The following ARFIP1 variants were observed in gnomAD, a reference collection of about 807,000 sequenced individuals.
ARFIP1 encodes the protein ARF interacting protein 1.
A neutral mutation model predicts 42.5 loss-of-function variants in ARFIP1; 24 were observed. The ratio of observed to expected loss-of-function variants is 0.57; its 90% confidence interval spans 0.41 to 0.80. ARFIP1 has a LOEUF of 0.80. Among genes scored for constraint, ARFIP1 ranks in the 30% least tolerant of loss-of-function variants. The probability of loss-of-function intolerance (pLI) is 0.00; values close to 1 mark genes in which losing one functional copy is unlikely to be tolerated. For missense variants in ARFIP1, 354 were observed against 434.0 expected (o/e 0.82, Z 1.64); for synonymous variants, 141 against 153.7 (o/e 0.92, Z 0.61).
At chr4:152,856,475 A>G (rs1733446124) in intron 2 of ARFIP1, among the ~76,000 whole-genome samples, 2 of 152,372 alleles carry the variant, frequency 1.3e-5, no homozygotes, top group South Asian at 2.1e-4. Context: ...TTTAAAAACA[A>G]TATAGTATAA....
intron 1 of ARFIP1, among the ~76,000 whole-genome samples, chr4:152,784,454 A>G (rs1283350528): frequency 6.6e-6 from 1 of 152,174 alleles, no homozygotes; most frequent in Non-Finnish European, 1.5e-5. Context: ...TAGGATGGGC[A>G]TAGGCAGGTG....
At chr4:152,900,536 C>T (rs1337149400) in intron 8 of ARFIP1, among the ~76,000 whole-genome samples, 3 of 152,194 alleles carry the variant, frequency 2.0e-5, no homozygotes, top group African/African-American at 7.2e-5. Context: ...CTCTCACTCC[C>T]TTCCCAGTGC....
At chr4:152,892,763 G>A (rs1350727661) in intron 8 of ARFIP1, among the ~76,000 whole-genome samples, 2 of 152,088 alleles carry the variant, frequency 1.3e-5, no homozygotes, top group Non-Finnish European at 2.9e-5. Flanking sequence ...GTTATAGTTC[G>A]TATTTTCTGT....
intron 1 of ARFIP1, among the ~76,000 whole-genome samples, chr4:152,797,336 T>C (rs1305995789): frequency 3.3e-5 from 5 of 152,230 alleles, no homozygotes; most frequent in Non-Finnish European, 7.3e-5. Flanking sequence ...ATTTATGTGC[T>C]AGTCCCACAC....
Position 152,912,254 on chromosome 4 carries a change from G to A in ARFIP1, c.*2035G>A, listed in dbSNP as rs1738899762. The A allele has an allele frequency of 6.6e-6, 1 of 152,008 alleles. No homozygotes were observed. The highest frequency in any genetic ancestry group is 2.1e-4 in the South Asian group (1 of 4,818). The allele number at this position is 152,008 out of a possible 1,614,324, so 9.4% of individuals were successfully genotyped here. A position where few individuals can be genotyped will look rare whatever the true frequency, so the allele number is the denominator to read the frequency against. ...AGCCAATGGTACATTTACTTTGTTA[G>A]GAATGTAATTTATGTTCATTATAGA... On this transcript the variant is annotated 3_prime_UTR_variant, in exon 9 of 9. Coordinates refer to ENST00000353617, the MANE Select transcript of ARFIP1 (RefSeq NM_001025595.3).
chr4:152,816,617 T>G (rs1205956675), intron 1 of ARFIP1, among the ~76,000 whole-genome samples: 1 of 152,264 alleles, frequency 6.6e-6, no homozygotes, highest in East Asian at 1.9e-4. Context: ...ATATGACATG[T>G]ATATTTGTTT....
chr4:152,800,257 C>T (rs1032210894), intron 1 of ARFIP1, among the ~76,000 whole-genome samples: 8 of 152,072 alleles, frequency 5.3e-5, no homozygotes, highest in African/African-American at 1.9e-4. Context: ...AGATTTGTTA[C>T]CAGAAGAACA....
At chr4:152,793,701 A>G (rs1731266505) in intron 1 of ARFIP1, among the ~76,000 whole-genome samples, 1 of 152,198 alleles carries the variant, frequency 6.6e-6, no homozygotes, top group Non-Finnish European at 1.5e-5. Flanking sequence ...AGTAATTTAT[A>G]AAGAAGAGAG....
At chr4:152,821,319 G>A (rs893141937) in intron 1 of ARFIP1, among the ~76,000 whole-genome samples, 11 of 152,230 alleles carry the variant, frequency 7.2e-5, no homozygotes, top group African/African-American at 1.2e-4. Flanking sequence ...TTCTGGAAGC[G>A]AAAGACATAT....
chr4:152,789,829 TTTTG>T (rs775375641), intron 1 of ARFIP1, among the ~76,000 whole-genome samples: 56 of 152,278 alleles, frequency 3.7e-4, no homozygotes, highest in Admixed American at 2.0e-3. Flanking sequence ...TTTGTTCTTG[TTTTG>T]TTTGTTTGTT....
intron 2 of ARFIP1, among the ~76,000 whole-genome samples, chr4:152,841,877 G>A (rs1337861825): frequency 6.6e-6 from 1 of 151,988 alleles, no homozygotes; most frequent in East Asian, 1.9e-4. Flanking sequence ...TAATGACATC[G>A]AAGGCACCCG....
chr4:152,786,932 C>T (rs1730844483), intron 1 of ARFIP1, among the ~76,000 whole-genome samples: 1 of 152,160 alleles, frequency 6.6e-6, no homozygotes, highest in Admixed American at 6.5e-5. Context: ...TCCTTCACAC[C>T]TCAGCTGAAG....
chr4:152,780,413 C>T (rs1483539231), intron 1 of ARFIP1, among the ~76,000 whole-genome samples, 187 bp downstream of exon 1: 1 of 152,190 alleles, frequency 6.6e-6, no homozygotes, highest in African/African-American at 2.4e-5. Flanking sequence ...TCCTTCTGTC[C>T]CTCTGAGTGT....
At chr4:152,905,553 T>TTTTTTGTTTTG (rs1738268217) in intron 8 of ARFIP1, among the ~76,000 whole-genome samples, 1 of 112,852 alleles carries the variant, frequency 8.9e-6, no homozygotes, top group Non-Finnish European at 1.8e-5. Flanking sequence ...TTGTTTTTTT[T>TTTTTTGTTTTG]TTTTTTTTTT....
chr4:152,823,776 CAAAAAAAAAAAAA>C (rs66556811), intron 1 of ARFIP1, among the ~76,000 whole-genome samples: 4 of 63,142 alleles, frequency 6.3e-5, no homozygotes, highest in Non-Finnish European at 1.2e-4. Flanking sequence ...GTCTCCATCT[CAAAAAAAAAAAAA>C]AAAAAAAAAA....
chr4:152,891,159 A>G (rs1579021057), intron 8 of ARFIP1, among the ~76,000 whole-genome samples: 1 of 152,220 alleles, frequency 6.6e-6, no homozygotes, highest in East Asian at 1.9e-4. Context: ...GGTGATTAGT[A>G]CCTTCTAATA....
At position 152,898,539 on chromosome 4, in the gene ARFIP1, G is replaced by T. The variant is rs1489166651; in HGVS notation, c.966+10232G>T. Among the ~76,000 whole-genome samples the T allele has an allele frequency of 2.0e-5, 3 of 152,082 alleles. No homozygotes were observed. The East Asian group carries it at 5.8e-4, about 29-fold the overall frequency. On this transcript the variant is annotated intron_variant, in intron 8 of 8. Coordinates refer to ENST00000353617, the MANE Select transcript of ARFIP1 (RefSeq NM_001025595.3). ...GTGCTTGTTTTGTGCAATTATGCCTGATCCTAAAGTACTATATAAGGTATT... is the reference window on the plus strand; with the variant it reads ...GTGCTTGTTTTGTGCAATTATGCCTTATCCTAAAGTACTATATAAGGTATT...
intron 1 of ARFIP1, among the ~76,000 whole-genome samples, 186 bp downstream of exon 1, chr4:152,780,412 C>T (rs909171015): frequency 3.4e-4 from 52 of 152,302 alleles, no homozygotes; most frequent in African/African-American, 1.2e-3. Context: ...TTCCTTCTGT[C>T]CCTCTGAGTG....
intron 8 of ARFIP1, among the ~76,000 whole-genome samples, chr4:152,891,616 T>C (rs1449074864): frequency 3.3e-5 from 5 of 152,196 alleles, no homozygotes; most frequent in Admixed American, 6.5e-5. Context: ...TTTTGTTCTT[T>C]TGTTAAACTA....
Sources: allele counts gnomAD v4.1 joint callset (sites outside exome capture counted in the v4.1 genomes callset), GRCh38; gene constraint gnomAD v4.1.1; transcripts MANE v1.5; gene names NCBI Gene and HGNC (gene_info 2026-07-23, HGNC 2026-07-21).